The following LARP1B variants were observed in gnomAD, a reference collection of about 807,000 sequenced individuals.
The protein encoded by LARP1B is La ribonucleoprotein 1B, also known as la-related protein 1B.
A neutral mutation model predicts 114.2 loss-of-function variants in LARP1B; 76 were observed. The observed-to-expected ratio is 0.67, with a 90% CI of 0.55 to 0.81. The LOEUF is 0.81. Among genes scored for constraint, LARP1B ranks in the 30% least tolerant of loss-of-function variants. The probability of loss-of-function intolerance (pLI) is 0.00; values close to 1 mark genes in which losing one functional copy is unlikely to be tolerated. For synonymous variants in LARP1B, 345 were observed against 348.0 expected, an observed-to-expected ratio of 0.99 and a Z score of 0.10; for missense variants, 1,014 against 1,075.8, an observed-to-expected ratio of 0.94 and a Z score of 0.80.
In LARP1B at chr4:128,065,335, C is replaced by CT. The variant is rs1446330558; in HGVS notation, c.-78+3934_-78+3935insT. On this transcript the variant is annotated intron_variant, in intron 1 of 19. Transcript: ENST00000326639. Reference sequence around the variant, plus strand: ...TTTCTTTCTCTCTCTCTCTCTCTTTCCTTTCTTTTCTTTTCTTTTCTTTTC... The same window carrying CT: ...TTTCTTTCTCTCTCTCTCTCTCTTTCTCTTTCTTTTCTTTTCTTTTCTTTTC... Among the ~76,000 whole-genome samples, 277 of 117,908 alleles carry CT rather than the reference C, an allele frequency of 2.3e-3. 1 individual carries two copies. Among genetic ancestry groups the CT allele is most frequent in the African/African-American group, 7.8e-3 (214 of 27,382 alleles). 77.4% of individuals were successfully genotyped at this position (117,908 alleles called of 152,430 possible).
chr4:128,083,810 C>G (rs1398025524), intron 5 of LARP1B, among the ~76,000 whole-genome samples: 2 of 150,604 alleles, frequency 1.3e-5, no homozygotes, highest in Admixed American at 6.6e-5. Flanking sequence ...CTGACCCCCC[C>G]ACCTCCCTCC....
At chr4:128,125,380 G>C (rs1789228529) in intron 11 of LARP1B, among the ~76,000 whole-genome samples, 1 of 152,094 alleles carries the variant, frequency 6.6e-6, no homozygotes, top group Non-Finnish European at 1.5e-5. Flanking sequence ...GGAGAAAAAA[G>C]ATACCCCAAA....
Position 128,065,303 on chromosome 4 carries a change from T to TC in LARP1B, c.-78+3902_-78+3903insC, listed in dbSNP as rs1561011475. ...TTTCTTTCTTTCTTTCTTTCTTTCT[T>TC]TCTTTCTTTCTTTCTCTCTCTCTCT... is the stretch of plus-strand genomic sequence containing the variant. On this transcript the variant is annotated intron_variant, in intron 1 of 19. Coordinates refer to ENST00000326639, the MANE Select transcript of LARP1B (RefSeq NM_018078.4). 6.3e-4 allele frequency among the ~76,000 whole-genome samples: 72 copies of TC among 114,680 alleles called. 2 individuals are homozygous for TC. The highest frequency in any genetic ancestry group is 4.2e-3 in the Middle Eastern group (1 of 238). The allele number at this position is 114,680 out of a possible 152,430, so 75.2% of individuals were successfully genotyped here.
chr4:128,081,141 C>T (rs374009421), intron 4 of LARP1B, among the ~76,000 whole-genome samples: 36 of 149,382 alleles, frequency 2.4e-4, no homozygotes, highest in Middle Eastern at 3.6e-3. Context: ...TGCAGTGGCA[C>T]GATCTCGGCT....
At chr4:128,169,965 T>G (rs1742848472) in intron 12 of LARP1B, among the ~76,000 whole-genome samples, 1 of 152,178 alleles carries the variant, frequency 6.6e-6, no homozygotes, top group Admixed American at 6.5e-5. Flanking sequence ...ATTTAAGCAC[T>G]GATTTAGCTG....
At chr4:128,065,336 C>CTTTCCTTTCT (rs1762347000) in intron 1 of LARP1B, among the ~76,000 whole-genome samples, 2 of 108,054 alleles carry the variant, frequency 1.9e-5, no homozygotes, top group African/African-American at 7.9e-5. Context: ...TCTCTCTTTC[C>CTTTCCTTTCT]TTTCTTTTCT....
chr4:128,075,291 A>G (rs998760495), intron 3 of LARP1B, among the ~76,000 whole-genome samples: 1 of 151,936 alleles, frequency 6.6e-6, no homozygotes, highest in African/African-American at 2.4e-5. Flanking sequence ...TCATAGAGAC[A>G]GGATTTTGCT....
chr4:128,165,293 A>G (rs1448225690), intron 12 of LARP1B, among the ~76,000 whole-genome samples: 3 of 151,732 alleles, frequency 2.0e-5, no homozygotes, highest in African/African-American at 7.2e-5. Context: ...ATTAATTTTT[A>G]TTTGTGTGCT....
intron 1 of LARP1B, chr4:128,069,558 C>T: frequency 1.3e-6 from 1 of 740,840 alleles, no homozygotes; most frequent in South Asian, 1.4e-5. Flanking sequence ...GCAACCAACT[C>T]TCAGAAGAAA....
chr4:128,209,522 A>G lies in LARP1B; in HGVS notation c.2548-334A>G, dbSNP rs76634870. Among the ~76,000 whole-genome samples, 806 of 152,278 alleles carry G rather than the reference A, an allele frequency of 5.3e-3. 9 individuals carry two copies. Among genetic ancestry groups the G allele is most frequent in the African/African-American group, 0.019 (771 of 41,562 alleles). On this transcript the variant is annotated intron_variant, in intron 19 of 19. Transcript: ENST00000326639. ...CAAAAACCACAAACATATGTTGAGTAAAAGAATGAGCAAATACTAGTAGGC... is the reference window on the plus strand; with the variant it reads ...CAAAAACCACAAACATATGTTGAGTGAAAGAATGAGCAAATACTAGTAGGC...
intron 15 of LARP1B, among the ~76,000 whole-genome samples, chr4:128,192,930 T>G (rs1486440845): frequency 6.6e-6 from 1 of 152,114 alleles, no homozygotes; most frequent in Non-Finnish European, 1.5e-5. Flanking sequence ...ACTCCTGAAC[T>G]TAAGCAGTCC....
At chr4:128,183,207 A>G (rs1343758051) in intron 15 of LARP1B, among the ~76,000 whole-genome samples, 1 of 152,238 alleles carries the variant, frequency 6.6e-6, no homozygotes, top group African/African-American at 2.4e-5. Context: ...TTTTCAGTGT[A>G]GACAAAACAG....
chr4:128,178,643 G>T lies in LARP1B; in HGVS notation c.1896+1G>T, dbSNP rs1747242965. ...AGAACCAAAAGCCATTGATGTAAAG[G>T]TATACAAAACAACCAGGAATATAAG... On this transcript the variant is annotated splice_donor_variant, in intron 14 of 19. Coordinates refer to ENST00000326639, the MANE Select transcript of LARP1B (RefSeq NM_018078.4). LOFTEE classifies it high-confidence loss of function. 1.2e-6 allele frequency: 2 copies of T among 1,608,034 alleles called. No individual in the cohort carries two copies. The highest frequency in any genetic ancestry group is 1.7e-6 in the Non-Finnish European group (2 of 1,174,880).
At chr4:128,157,817 A>G (rs896348038) in intron 11 of LARP1B, among the ~76,000 whole-genome samples, 9 of 152,198 alleles carry the variant, frequency 5.9e-5, no homozygotes, top group Admixed American at 2.0e-4. Flanking sequence ...TAGAGATATT[A>G]TCAGAGAAAT....
At position 128,066,678 on chromosome 4, in the gene LARP1B, A is replaced by G. The variant is rs142364448; in HGVS notation, c.-78+5277A>G. ...TTTTTAGTACAGGCAGGGTTTCTCTATGTTGGTCAGGCTGGTCTCGACTTC... is the reference window on the plus strand; with the variant it reads ...TTTTTAGTACAGGCAGGGTTTCTCTGTGTTGGTCAGGCTGGTCTCGACTTC... On this transcript the variant is annotated intron_variant, in intron 1 of 19. Transcript: ENST00000326639. Among the ~76,000 whole-genome samples, 55 of 150,558 alleles carry G rather than the reference A, an allele frequency of 3.7e-4. 1 individual carries two copies. The East Asian group carries it at 0.011, about 29-fold the overall frequency.
intron 15 of LARP1B, among the ~76,000 whole-genome samples, chr4:128,183,906 G>T (rs1749436821): frequency 6.6e-6 from 1 of 152,198 alleles, no homozygotes; most frequent in Non-Finnish European, 1.5e-5. Flanking sequence ...TTCAGTGGAG[G>T]ATTTAATTAC....
At chr4:128,197,447 G>A (rs1404598772) in intron 15 of LARP1B, among the ~76,000 whole-genome samples, 2 of 152,168 alleles carry the variant, frequency 1.3e-5, no homozygotes, top group East Asian at 3.9e-4. Context: ...TGTAATCCCA[G>A]CACTTTGGGA....
chr4:128,101,468 A>G (rs1011265522), intron 8 of LARP1B, among the ~76,000 whole-genome samples: 4 of 152,066 alleles, frequency 2.6e-5, no homozygotes, highest in South Asian at 4.1e-4. Context: ...TCTTGGTTTC[A>G]TGAAAATAAT....
In LARP1B at chr4:128,200,684, C is replaced by T. The variant is rs1485728154; in HGVS notation, c.2309+19C>T. ...ATTACAGGTCAGATATTTTCTTTTA[C>T]ACTTCAAGGGAGTTTTATTATTTTC... On this transcript the variant is annotated intron_variant, in intron 17 of 19. Coordinates refer to ENST00000326639, the MANE Select transcript of LARP1B (RefSeq NM_018078.4). The T allele has an allele frequency of 2.0e-6, 3 of 1,536,686 alleles. No homozygotes were observed. The highest frequency in any genetic ancestry group is 1.8e-4 in the Middle Eastern group (1 of 5,488).
Sources: allele counts gnomAD v4.1 joint callset (sites outside exome capture counted in the v4.1 genomes callset), GRCh38; gene constraint gnomAD v4.1.1; transcripts MANE v1.5; gene names NCBI Gene and HGNC (gene_info 2026-07-23, HGNC 2026-07-21).